Variants in ZNF721 observed in about 807,000 individuals in gnomAD.
The protein encoded by ZNF721 is zinc finger protein 721.
Under a neutral mutation model 2.4 loss-of-function variants are expected in ZNF721, and 2 were observed. The observed-to-expected ratio is 0.82, with a 90% confidence interval of 0.34 to 2.58. The LOEUF (loss-of-function observed/expected upper bound fraction) is 2.58, where lower values mean the gene tolerates loss of function less well. ZNF721 is among the 30% of genes most tolerant of loss of function. The pLI, the probability that ZNF721 is intolerant of heterozygous loss-of-function variation, is 0.11. For missense variants in ZNF721, 1,187 were observed against 1,085.5 expected (o/e 1.09, Z -1.31); for synonymous variants, 398 against 381.8 (o/e 1.04, Z -0.50).
chr4:478,943 T>C (rs1027230933), intron 1 of ZNF721, among the ~76,000 whole-genome samples: 1 of 152,186 alleles, frequency 6.6e-6, no homozygotes, highest in South Asian at 2.1e-4. Context: ...CTAATTTTTT[T>C]GTATTTTTAG....
intron 2 of ZNF721, among the ~76,000 whole-genome samples, chr4:464,369 T>C (rs2108705470): frequency 6.7e-6 from 1 of 149,588 alleles, no homozygotes; most frequent in African/African-American, 2.5e-5. Flanking sequence ...ACTTGGGGGC[T>C]GAGGCAGGAG....
At chr4:497,460 A>G (rs1454270107) in intron 1 of ZNF721, among the ~76,000 whole-genome samples, 5 of 152,304 alleles carry the variant, frequency 3.3e-5, no homozygotes, top group African/African-American at 1.2e-4. Context: ...TAATCATTTC[A>G]GGAGGCTTAT....
Position 442,504 on chromosome 4 carries a change from C to G in ZNF721, c.1963G>C (p.Asp655His), listed in dbSNP as rs990868157. ...ECGKAFAPSTDLNQHTKILTG... is the reference protein window; with the variant it reads ...ECGKAFAPSTHLNQHTKILTG... ...AGAATTTTCGTGTGTTGATTCAGGT[C>G]TGTTGATGGGGCAAAGGCTTTGCCA... The change falls in exon 3 of 3, where the codon GAC (aspartate) becomes CAC (histidine). Residue 655 changes from aspartate (D) to histidine (H), a missense_variant. Asp to His is a moderately conservative substitution (Grantham distance 81, BLOSUM62 -1). Coordinates refer to ENST00000511833, the MANE Select transcript of ZNF721 (RefSeq NM_133474.4). The G allele has an allele frequency of 1.9e-6, 3 of 1,611,136 alleles. No individual in the cohort carries two copies. The highest frequency in any genetic ancestry group is 2.5e-6 in the Non-Finnish European group (3 of 1,178,684).
At chr4:494,032 GTCTTT>G (rs1387824489) in intron 1 of ZNF721, among the ~76,000 whole-genome samples, 12 of 152,038 alleles carry the variant, frequency 7.9e-5, no homozygotes, top group African/African-American at 2.4e-4. Context: ...CATTTGACTA[GTCTTT>G]TCTTTTTTCC....
intron 2 of ZNF721, among the ~76,000 whole-genome samples, chr4:463,015 G>C (rs1553866296): frequency 6.6e-6 from 1 of 152,058 alleles, no homozygotes; most frequent in Non-Finnish European, 1.5e-5. Context: ...ATCTGACAAA[G>C]GAATAATATC....
intron 1 of ZNF721, among the ~76,000 whole-genome samples, chr4:474,870 C>G (rs1715585091): frequency 6.6e-6 from 1 of 151,602 alleles, no homozygotes; most frequent in African/African-American, 2.4e-5. Flanking sequence ...AGTGAGACTC[C>G]GTCTCAAAAA....
chr4:488,772 G>GT lies in ZNF721; in HGVS notation c.-94+10283dup, dbSNP rs1560244703. On this transcript the variant is annotated intron_variant, in intron 1 of 2. Transcript: ENST00000511833. ...TTGAACACAGTAGGTGGATGTTGCA[G>GT]TGAGCCGAGATCACGCCACTGCATT... Among the ~76,000 whole-genome samples, 2 of 152,128 alleles carry GT rather than the reference G, an allele frequency of 1.3e-5. 1 individual carries two copies. The highest frequency in any genetic ancestry group is 1.3e-4 in the Admixed American group (2 of 15,270).
chr4:456,748 A>C (rs1303040175), intron 2 of ZNF721, among the ~76,000 whole-genome samples: 1 of 152,168 alleles, frequency 6.6e-6, no homozygotes, highest in East Asian at 1.9e-4. Context: ...GCGTGGTAGC[A>C]CACGCCTGTA....
At chr4:479,816 G>C (rs1489331897) in intron 1 of ZNF721, among the ~76,000 whole-genome samples, 2 of 152,216 alleles carry the variant, frequency 1.3e-5, no homozygotes, top group African/African-American at 4.8e-5. Context: ...TGCTCTCTGA[G>C]GCACCTTTTT....
chr4:459,477 A>G (rs1255476984), intron 2 of ZNF721, among the ~76,000 whole-genome samples: 1 of 152,120 alleles, frequency 6.6e-6, no homozygotes, highest in Non-Finnish European at 1.5e-5. Flanking sequence ...AAAGCAAAAA[A>G]AAAAGCAGCA....
Position 441,972 on chromosome 4 carries a change from G to A in ZNF721, c.2495C>T (p.Thr832Ile), listed in dbSNP as rs1418589488. 6.2e-7 allele frequency: 1 copy of A among 1,613,974 alleles called. No individual in the cohort carries two copies. Among genetic ancestry groups the A allele is most frequent in the Non-Finnish European group, 8.5e-7 (1 of 1,179,986 alleles). ...TTLTKHRRIHTGEKPYTCEEC... is the reference protein window; with the variant it reads ...TTLTKHRRIHIGEKPYTCEEC... ...TTCACATGTGTAGGGTTTCTCTCCA[G>A]TATGAATTCTCCTATGTTTAGTAAG... Residue 832 changes from threonine (T) to isoleucine (I), a missense_variant, in exon 3 of 3, where the codon ACT becomes ATT. Thr to Ile is a moderately conservative substitution (Grantham distance 89). Transcript: ENST00000511833.
intron 1 of ZNF721, among the ~76,000 whole-genome samples, chr4:496,296 C>A (rs531596765): frequency 1.3e-5 from 2 of 152,144 alleles, no homozygotes; most frequent in Admixed American, 1.3e-4. Context: ...GGCTGTTACC[C>A]CCCGAACTGG....
At chr4:458,617 G>A (rs1028108641) in intron 2 of ZNF721, among the ~76,000 whole-genome samples, 21 of 152,164 alleles carry the variant, frequency 1.4e-4, no homozygotes, top group African/African-American at 3.4e-4. Flanking sequence ...AGGCCAAGGC[G>A]GGCATATCAC....
intron 2 of ZNF721, chr4:454,105 T>C (rs1553865134): frequency 6.6e-6 from 1 of 152,216 alleles, no homozygotes; most frequent in Non-Finnish European, 1.5e-5. Flanking sequence ...CTTTCCTACT[T>C]TAATAACACA....
chr4:460,025 A>G (rs1715010916), intron 2 of ZNF721, among the ~76,000 whole-genome samples: 1 of 152,158 alleles, frequency 6.6e-6, no homozygotes, highest in Non-Finnish European at 1.5e-5. Flanking sequence ...CACTGTCAAT[A>G]TTAGATCAAT....
rs1391890960 is a variant in ZNF721, at chr4:443,827, T to C, written c.640A>G (p.Ile214Val). ...WSTNLNEYKKIHTGDKPYKCK... is the reference protein window; with the variant it reads ...WSTNLNEYKKVHTGDKPYKCK... ...TTGTAGGGTTTATCTCCAGTATGAA[T>C]TTTCTTATATTCATTCAGGTTTGTG... The change falls in exon 3 of 3, where the codon ATT becomes GTT. Residue 214 changes from isoleucine (I) to valine (V), a missense_variant. Ile to Val is a conservative substitution (Grantham distance 29). Coordinates refer to ENST00000511833, the MANE Select transcript of ZNF721 (RefSeq NM_133474.4). 6 of 1,613,858 alleles carry C rather than the reference T, an allele frequency of 3.7e-6. No individual in the cohort carries two copies. In the African/African-American group the frequency reaches 8.0e-5, roughly 22 times the overall value.
intron 1 of ZNF721, among the ~76,000 whole-genome samples, chr4:485,676 T>C (rs1426630038): frequency 6.6e-6 from 1 of 152,218 alleles, no homozygotes; most frequent in African/African-American, 2.4e-5. Context: ...CGCCATTGCC[T>C]GGGTCTCACT....
rs1553863505 is a variant in ZNF721, at chr4:442,945, T to A, written c.1522A>T (p.Lys508Ter). The part of the protein sequence containing the change: ...EKPFECLECG[K>*]AFTSSTTLTK... ...AGGGTTGTGGAACTAGTAAACGCTT[T>A]ACCACATTCTAAACATTCAAAGGGT... is the stretch of plus-strand genomic sequence containing the variant. The change falls in exon 3 of 3, where the codon AAA becomes TAA. Residue 508 changes from lysine to a stop codon, truncating the protein, a stop_gained. Transcript: ENST00000511833. LOFTEE classifies it low-confidence loss of function (END_TRUNC). 6.2e-7 allele frequency: 1 copy of A among 1,613,856 alleles called. No individual in the cohort carries two copies. The highest frequency in any genetic ancestry group is 1.3e-5 in the African/African-American group (1 of 74,926).
At chr4:496,798 C>T (rs1458030607) in intron 1 of ZNF721, among the ~76,000 whole-genome samples, 1 of 147,716 alleles carries the variant, frequency 6.8e-6, no homozygotes, top group Non-Finnish European at 1.5e-5. Flanking sequence ...CTGCAGGCTC[C>T]GCCTCCCGGG....
Sources: allele counts gnomAD v4.1 joint callset (sites outside exome capture counted in the v4.1 genomes callset), GRCh38; gene constraint gnomAD v4.1.1; transcripts MANE v1.5; gene names NCBI Gene and HGNC (gene_info 2026-07-23, HGNC 2026-07-21).